Variants in ADCK1 observed in about 807,000 individuals in gnomAD.
The protein encoded by ADCK1 is aarF domain-containing protein kinase 1.
In ADCK1, 41 loss-of-function variants were observed where a neutral mutation model predicts 52.3. That is an observed-to-expected ratio of 0.78 (90% CI 0.61 to 1.02). ADCK1 has a LOEUF of 1.02. ADCK1 is among the 50% of genes least tolerant of loss of function. The pLI is 0.00. For synonymous variants in ADCK1, 250 were observed against 274.6 expected (o/e 0.91, Z 0.89); for missense variants, 658 against 679.5 (o/e 0.97, Z 0.35).
In ADCK1 at chr14:77,830,196, G is replaced by A. The variant is rs193108812; in HGVS notation, c.219+7678G>A. On this transcript the variant is annotated intron_variant, in intron 3 of 10. Transcript: ENST00000238561. ...TCTGTTGCCCAGGCCAGAGTGCAGT[G>A]GTGCGATCTCCGCTCACGGCAACCT... Among the ~76,000 whole-genome samples the A allele has an allele frequency of 1.9e-3, 287 of 150,898 alleles. 5 individuals carry two copies. In the Middle Eastern group the frequency reaches 0.02, roughly 11 times the overall value.
At chr14:77,862,553 A>T (rs1320256750) in intron 4 of ADCK1, among the ~76,000 whole-genome samples, 3 of 152,242 alleles carry the variant, frequency 2.0e-5, no homozygotes, top group Non-Finnish European at 4.4e-5. Flanking sequence ...ATGGGCATGC[A>T]TAGCCTCAGC....
At chr14:77,861,256 T>C (rs892107265) in intron 4 of ADCK1, among the ~76,000 whole-genome samples, 3 of 152,142 alleles carry the variant, frequency 2.0e-5, no homozygotes, top group African/African-American at 7.2e-5. Context: ...TCTGGGTTCT[T>C]ACCAGGGCCC....
At chr14:77,828,498 G>A (rs549816321) in intron 3 of ADCK1, among the ~76,000 whole-genome samples, 1 of 152,158 alleles carries the variant, frequency 6.6e-6, no homozygotes, top group East Asian at 1.9e-4. Flanking sequence ...GAATTCTTCT[G>A]TGAGAAAGAC....
At chr14:77,809,303 A>C (rs1428516126) in intron 1 of ADCK1, among the ~76,000 whole-genome samples, 1 of 152,070 alleles carries the variant, frequency 6.6e-6, no homozygotes, top group Non-Finnish European at 1.5e-5. Context: ...ATGATGGCCT[A>C]CTTCCCCTGT....
chr14:77,821,418 CTCT>C (rs2081579370), intron 2 of ADCK1, among the ~76,000 whole-genome samples: 1 of 152,130 alleles, frequency 6.6e-6, no homozygotes, highest in Admixed American at 6.6e-5. Context: ...AAGGAAGAAA[CTCT>C]TCTTAATATC....
chr14:77,817,017 G>A (rs1310339021), intron 1 of ADCK1, among the ~76,000 whole-genome samples: 2 of 151,730 alleles, frequency 1.3e-5, no homozygotes, highest in Admixed American at 6.6e-5. Context: ...TGAGGCAGGC[G>A]GATCGCCTGA....
At position 77,822,453 on chromosome 14, in the gene ADCK1, G is replaced by T. The variant is rs772168075; in HGVS notation, c.154G>T (p.Asp52Tyr). 2 of 1,613,868 alleles carry T rather than the reference G, an allele frequency of 1.2e-6. No homozygotes were observed. The highest frequency in any genetic ancestry group is 1.3e-5 in the African/African-American group (1 of 74,888). The change falls in exon 3 of 11, where the codon GAC (aspartate) becomes TAC (tyrosine). Residue 52 changes from aspartate to tyrosine, a missense_variant. By Grantham distance (160) the Asp-to-Tyr change is radical. Transcript: ENST00000238561. ...AVATTAVISYDYLTSLKSVPY... is the reference protein window; with the variant it reads ...AVATTAVISYYYLTSLKSVPY... Reference sequence around the variant, plus strand: ...TTCACAGACGGCTGTCATCAGTTACGACTACCTCACTTCCCTGAAGAGTGT... The same window carrying T: ...TTCACAGACGGCTGTCATCAGTTACTACTACCTCACTTCCCTGAAGAGTGT...
At chr14:77,908,016 TG>T (rs1464226179) in intron 7 of ADCK1, 97 bp downstream of exon 7, 19 of 953,354 alleles carry the variant, frequency 2.0e-5, no homozygotes, top group Non-Finnish European at 2.9e-5. Context: ...CCTCAGAGTC[TG>T]GCCCCCTTGT....
At chr14:77,819,231 A>G in intron 2 of ADCK1, 118 bp downstream of exon 2, 11 of 1,433,844 alleles carry the variant, frequency 7.7e-6, no homozygotes, top group Non-Finnish European at 1.0e-5. Context: ...GTATCCTTAC[A>G]TGTGCAAAAG....
At chr14:77,900,762 A>T in intron 6 of ADCK1, 3 of 340,148 alleles carry the variant, frequency 8.8e-6, no homozygotes. Context: ...ATGATAGTAC[A>T]CATAAGCACA....
intron 4 of ADCK1, among the ~76,000 whole-genome samples, chr14:77,878,930 C>T (rs531319522): frequency 6.6e-6 from 1 of 150,626 alleles, no homozygotes; most frequent in South Asian, 2.1e-4. Context: ...CCCTTCCCCC[C>T]CCACGAATGA....
intron 4 of ADCK1, among the ~76,000 whole-genome samples, chr14:77,870,095 G>C (rs1410352714): frequency 6.6e-6 from 1 of 152,212 alleles, no homozygotes; most frequent in Non-Finnish European, 1.5e-5. Context: ...GTGTTTATTT[G>C]GTACTTGTTA....
At chr14:77,882,475 T>G (rs577694196) in intron 4 of ADCK1, among the ~76,000 whole-genome samples, 1 of 152,336 alleles carries the variant, frequency 6.6e-6, no homozygotes, top group East Asian at 1.9e-4. Flanking sequence ...GTGATGTAGT[T>G]TCTAAAACCA....
At chr14:77,841,710 G>A (rs1056083991) in intron 3 of ADCK1, among the ~76,000 whole-genome samples, 2 of 150,940 alleles carry the variant, frequency 1.3e-5, no homozygotes, top group African/African-American at 4.9e-5. Context: ...GCCAGGCGTG[G>A]GTGTGTGCCT....
At chr14:77,872,211 A>G (rs2082794531) in intron 4 of ADCK1, among the ~76,000 whole-genome samples, 1 of 152,160 alleles carries the variant, frequency 6.6e-6, no homozygotes, top group African/African-American at 2.4e-5. Context: ...TCACTTCCAG[A>G]CATAGAAACT....
intron 4 of ADCK1, among the ~76,000 whole-genome samples, chr14:77,885,641 A>G (rs959093397): frequency 6.6e-6 from 1 of 152,166 alleles, no homozygotes; most frequent in Non-Finnish European, 1.5e-5. Flanking sequence ...GGGGCAGGGC[A>G]GAGTGGCTGC....
At chr14:77,821,777 A>G (rs1245030980) in intron 2 of ADCK1, among the ~76,000 whole-genome samples, 1 of 150,274 alleles carries the variant, frequency 6.7e-6, no homozygotes, top group Admixed American at 6.7e-5. Context: ...GCTACTTGGG[A>G]GGCTGAGGCA....
chr14:77,880,334 GC>G (rs1000002691), intron 4 of ADCK1, among the ~76,000 whole-genome samples: 1 of 152,214 alleles, frequency 6.6e-6, no homozygotes, highest in African/African-American at 2.4e-5. Flanking sequence ...TCTGGGATTG[GC>G]CCTTGTCAGG....
chr14:77,832,925 C>T (rs1303954402), intron 3 of ADCK1, among the ~76,000 whole-genome samples: 1 of 152,210 alleles, frequency 6.6e-6, no homozygotes, highest in Non-Finnish European at 1.5e-5. Context: ...CATTTCTTCA[C>T]CATCCTTCCA....
Sources: gnomAD v4.1 joint callset for allele counts (sites outside exome capture counted in the v4.1 genomes callset) on GRCh38, gnomAD v4.1.1 for gene constraint, MANE v1.5 for transcripts, NCBI Gene and HGNC (gene_info 2026-07-23, HGNC 2026-07-21) for gene names.